COL24A1: variants seen among roughly 807,000 people sequenced by gnomAD.
COL24A1 encodes collagen type XXIV alpha 1 chain.
Under a neutral mutation model 253.9 loss-of-function variants are expected in COL24A1, and 224 were observed. The observed-to-expected ratio is 0.88, with a 90% CI of 0.79 to 0.99. COL24A1 has a LOEUF of 0.99. Ranked by LOEUF, COL24A1 falls within the 50% of genes least tolerant of loss-of-function variation. The pLI, the probability that COL24A1 is intolerant of heterozygous loss-of-function variation, is 0.00. For synonymous variants in COL24A1, 685 were observed against 673.7 expected (o/e 1.02, Z -0.26); for missense variants, 2,131 against 2,068.5 (o/e 1.03, Z -0.59).
At chr1:85,895,152 G>C (rs1348086527) in intron 31 of COL24A1, among the ~76,000 whole-genome samples, 1 of 152,072 alleles carries the variant, frequency 6.6e-6, no homozygotes, top group African/African-American at 2.4e-5. Context: ...GTATGCATGT[G>C]TGGGTAAATC....
intron 52 of COL24A1, 113 bp from the exon 53 acceptor site, chr1:85,775,822 T>C (rs1359498678): frequency 2.5e-6 from 2 of 784,884 alleles, no homozygotes; most frequent in Non-Finnish European, 4.1e-6. Flanking sequence ...TTTTTCTATA[T>C]AGTAAGACCT....
intron 14 of COL24A1, among the ~76,000 whole-genome samples, chr1:86,023,407 T>C (rs1054782047): frequency 2.6e-5 from 4 of 152,160 alleles, no homozygotes; most frequent in Admixed American, 6.6e-5. Flanking sequence ...CACCCACTTA[T>C]TCAGCAAATA....
chr1:85,829,709 T>C (rs147559481), intron 43 of COL24A1, among the ~76,000 whole-genome samples: 2,423 of 152,186 alleles, frequency 0.016, 68 homozygotes, highest in African/African-American at 0.055. Flanking sequence ...TTCCAGTTGA[T>C]CGCATGGCCT....
chr1:85,891,375 C>T (rs1226390335), intron 31 of COL24A1, among the ~76,000 whole-genome samples: 3 of 152,030 alleles, frequency 2.0e-5, no homozygotes, highest in Non-Finnish European at 4.4e-5. Context: ...TAAGTTGCAT[C>T]TTCTACATTA....
At chr1:85,951,531 G>C (rs941208626) in intron 24 of COL24A1, among the ~76,000 whole-genome samples, 1 of 152,134 alleles carries the variant, frequency 6.6e-6, no homozygotes, top group African/African-American at 2.4e-5. Flanking sequence ...AGATCATAGG[G>C]AGTAAGTTGG....
intron 43 of COL24A1, among the ~76,000 whole-genome samples, chr1:85,831,258 G>T (rs1213696756): frequency 6.6e-6 from 1 of 152,030 alleles, no homozygotes; most frequent in East Asian, 1.9e-4. Context: ...TTATCAAACA[G>T]GATTCAGGAA....
At chr1:85,861,487 A>C (rs1679143597) in intron 37 of COL24A1, among the ~76,000 whole-genome samples, 1 of 152,066 alleles carries the variant, frequency 6.6e-6, no homozygotes, top group Non-Finnish European at 1.5e-5. Flanking sequence ...TAGAAGACGT[A>C]CTCCCATGTT....
intron 31 of COL24A1, among the ~76,000 whole-genome samples, chr1:85,890,030 T>C (rs1682947405): frequency 6.6e-6 from 1 of 152,160 alleles, no homozygotes; most frequent in Non-Finnish European, 1.5e-5. Flanking sequence ...ACTGGCTTAT[T>C]TCACTTAGCA....
intron 19 of COL24A1, among the ~76,000 whole-genome samples, chr1:85,990,182 C>T (rs894913670): frequency 1.3e-5 from 2 of 152,082 alleles, no homozygotes; most frequent in African/African-American, 4.8e-5. Context: ...GTTGTAGCCC[C>T]TCAGTACTGG....
At position 85,875,346 on chromosome 1, in the gene COL24A1, T is replaced by C; in HGVS notation, c.3031-16A>G. The C allele has an allele frequency of 6.2e-7, 1 of 1,608,886 alleles. No individual in the cohort carries two copies. Among genetic ancestry groups the C allele is most frequent in the Non-Finnish European group, 8.5e-7 (1 of 1,175,502 alleles). On this transcript the variant is annotated splice_polypyrimidine_tract_variant and intron_variant, in intron 33 of 59. Transcript: ENST00000370571. The stretch of plus-strand genomic sequence containing the variant: ...CTGGAGGTCCCTACAAGAGAATAAT[T>C]TAACACATTACAAAGGCAATAGCAA...
At chr1:86,156,275 C>G in intron 1 of COL24A1, 66 bp downstream of exon 1, 1 of 1,491,640 alleles carries the variant, frequency 6.7e-7, no homozygotes, top group East Asian at 2.4e-5. Flanking sequence ...TCAGGCTCAG[C>G]AGAACCAGGG....
intron 38 of COL24A1, 78 bp downstream of exon 38, chr1:85,849,275 A>T: frequency 2.0e-6 from 2 of 1,017,712 alleles, no homozygotes; most frequent in Non-Finnish European, 3.0e-6. Flanking sequence ...AGTCCAAATT[A>T]AAAACATTAC....
intron 20 of COL24A1, among the ~76,000 whole-genome samples, chr1:85,987,100 A>T (rs1320506616): frequency 6.6e-6 from 1 of 151,900 alleles, no homozygotes; most frequent in African/African-American, 2.4e-5. Context: ...ATAATAAATT[A>T]GTATGTGAGT....
At chr1:85,890,601 T>C (rs928747439) in intron 31 of COL24A1, among the ~76,000 whole-genome samples, 7 of 152,102 alleles carry the variant, frequency 4.6e-5, no homozygotes, top group African/African-American at 1.7e-4. Context: ...GTTTTTTTAT[T>C]CTTGAGTTGT....
chr1:85,830,446 C>T (rs1422165643), intron 43 of COL24A1, among the ~76,000 whole-genome samples: 1 of 152,116 alleles, frequency 6.6e-6, no homozygotes, highest in Admixed American at 6.6e-5. Flanking sequence ...GTGGTGGGCT[C>T]CACCCAGTTT....
intron 53 of COL24A1, among the ~76,000 whole-genome samples, chr1:85,765,935 G>C (rs1019703520): frequency 2.6e-5 from 4 of 152,106 alleles, no homozygotes; most frequent in African/African-American, 9.7e-5. Context: ...ATAGAAAGTA[G>C]GAAATTTTGT....
chr1:85,972,268 C>G (rs1692240268), intron 20 of COL24A1, among the ~76,000 whole-genome samples: 1 of 152,002 alleles, frequency 6.6e-6, no homozygotes, highest in Non-Finnish European at 1.5e-5. Context: ...TACCAAAGAG[C>G]AAATCTACTC....
chr1:86,121,316 T>G (rs1647315783), intron 3 of COL24A1, among the ~76,000 whole-genome samples: 1 of 152,100 alleles, frequency 6.6e-6, no homozygotes, highest in Non-Finnish European at 1.5e-5. Context: ...TCAGTACCAT[T>G]GTTTAAACAT....
chr1:86,066,279 C>T (rs1021802517), intron 7 of COL24A1, among the ~76,000 whole-genome samples: 2 of 144,506 alleles, frequency 1.4e-5, no homozygotes, highest in African/African-American at 2.6e-5. Context: ...CGCTCTATCC[C>T]TCAGGCTGGA....
Sources: gnomAD v4.1 joint callset for allele counts (sites outside exome capture counted in the v4.1 genomes callset) on GRCh38, gnomAD v4.1.1 for gene constraint, MANE v1.5 for transcripts, NCBI Gene and HGNC (gene_info 2026-07-23, HGNC 2026-07-21) for gene names.